NPL: variants seen among roughly 807,000 people sequenced by gnomAD.
NPL encodes N-acetylneuraminate lyase.
In NPL, 32 loss-of-function variants were observed where a neutral mutation model predicts 41.1. That is an observed-to-expected ratio of 0.78 (90% CI 0.59 to 1.05). NPL has a LOEUF of 1.05. Ranked by LOEUF, NPL falls within the 50% of genes least tolerant of loss-of-function variation. The probability of loss-of-function intolerance (pLI) is 0.00; values close to 1 mark genes in which losing one functional copy is unlikely to be tolerated. For synonymous variants in NPL, 128 were observed against 134.9 expected (o/e 0.95, Z 0.35); for missense variants, 321 against 378.4 (o/e 0.85, Z 1.26).
intron 5 of NPL, chr1:182,806,629 GT>G: frequency 7.4e-7 from 1 of 1,348,152 alleles, no homozygotes; most frequent in African/African-American, 1.4e-5. Context: ...CCTGATGCTT[GT>G]ATTGGCCCAC....
intron 5 of NPL, among the ~76,000 whole-genome samples, chr1:182,811,835 G>T (rs541311679): frequency 6.6e-6 from 1 of 152,272 alleles, no homozygotes; most frequent in East Asian, 1.9e-4. Flanking sequence ...CAGAAAGGAA[G>T]AAATGAATAC....
intron 11 of NPL, among the ~76,000 whole-genome samples, chr1:182,824,214 T>C (rs1304939530): frequency 6.6e-6 from 1 of 152,250 alleles, no homozygotes; most frequent in East Asian, 1.9e-4. Context: ...CATTTTATTA[T>C]GCAATTGAAT....
At position 182,818,845 on chromosome 1, in the gene NPL, T is replaced by G. The variant is rs1557951341; in HGVS notation, c.639T>G (p.Thr213=). The part of the protein sequence containing the change: ...QLLSALVMGA[T]GAVGSTYNYL... The stretch of plus-strand genomic sequence containing the variant: ...TGAGTGCTCTGGTGATGGGAGCAAC[T>G]GGAGCAGTGGGCAGGTAAGCATGAC... Residue 213 remains threonine (T), a synonymous_variant, in exon 10 of 13, where the codon ACT becomes ACG. Transcript: ENST00000367553. 6.2e-7 allele frequency: 1 copy of G among 1,614,112 alleles called. No homozygotes were observed. The highest frequency in any genetic ancestry group is 8.5e-7 in the Non-Finnish European group (1 of 1,179,954).
intron 12 of NPL, among the ~76,000 whole-genome samples, chr1:182,827,978 T>C (rs907575639): frequency 6.6e-6 from 1 of 152,228 alleles, no homozygotes; most frequent in Non-Finnish European, 1.5e-5. Context: ...ATAGTACCTA[T>C]ACTAAGTGTG....
chr1:182,790,135 C>G (rs768553397), intron 1 of NPL, among the ~76,000 whole-genome samples: 13 of 152,140 alleles, frequency 8.5e-5, no homozygotes, highest in Admixed American at 6.5e-4. Context: ...ATACATCCCC[C>G]CTTCACTTGA....
In NPL at chr1:182,828,729, G is replaced by A. The variant is rs750391327; in HGVS notation, c.784G>A (p.Gly262Arg). 2.4e-5 allele frequency: 39 copies of A among 1,614,046 alleles called. No individual in the cohort carries two copies. Among genetic ancestry groups the A allele is most frequent in the Middle Eastern group, 1.6e-4 (1 of 6,082 alleles). The part of the protein sequence containing the change: ...FINFVVKLGF[G>R]VSQTKAIMTL... ...CATTTGTTTTTCCCGTCTAGGTTTT[G>A]GAGTGTCACAGACCAAAGCCATCAT... Residue 262 changes from glycine to arginine, a missense_variant, in exon 13 of 13, where the codon GGA becomes AGA. Gly to Arg is a moderately radical substitution (Grantham distance 125, BLOSUM62 -2). Coordinates refer to ENST00000367553, the MANE Select transcript of NPL (RefSeq NM_030769.3). The surrounding 1 kb of genome is among the most constrained non-coding windows in gnomAD (Gnocchi z 4.0).
intron 4 of NPL, 111 bp downstream of exon 4, chr1:182,803,882 A>T (rs1666927675): frequency 2.4e-6 from 2 of 841,246 alleles, no homozygotes; most frequent in Non-Finnish European, 4.1e-6. Flanking sequence ...ACAGGTTATG[A>T]TGGAGCCTGG....
rs547420966 is a variant in NPL, at chr1:182,829,203, G to A, written c.*295G>A. 101 of 1,250,686 alleles carry A rather than the reference G, an allele frequency of 8.1e-5. No individual in the cohort carries two copies. The East Asian group carries it at 3.9e-3, about 48-fold the overall frequency. The allele number at this position is 1,250,686 out of a possible 1,614,324, so 77.5% of individuals were successfully genotyped here. A position where few individuals can be genotyped will look rare whatever the true frequency, so the allele number is the denominator to read the frequency against. Reference sequence around the variant, plus strand: ...AAATTGTAATTGATTAATTCCATCTGTCTTTAGGAGCTCTCATTATCTCGG... The same window carrying A: ...AAATTGTAATTGATTAATTCCATCTATCTTTAGGAGCTCTCATTATCTCGG... On this transcript the variant is annotated 3_prime_UTR_variant, in exon 13 of 13. Coordinates refer to ENST00000367553, the MANE Select transcript of NPL (RefSeq NM_030769.3).
At chr1:182,809,258 G>A in intron 5 of NPL, 1 of 450,872 alleles carries the variant, frequency 2.2e-6, no homozygotes, top group South Asian at 1.6e-5. Flanking sequence ...ACAGCTGAAG[G>A]CCTGGCACAG....
intron 7 of NPL, 43 bp downstream of exon 7, chr1:182,814,901 C>G (rs200065741): frequency 6.9e-7 from 1 of 1,441,978 alleles, no homozygotes; most frequent in African/African-American, 1.4e-5. Context: ...ACATGGTCCA[C>G]TTCTTCTTGC....
At chr1:182,807,134 G>A (rs890272332) in intron 5 of NPL, among the ~76,000 whole-genome samples, 2 of 152,096 alleles carry the variant, frequency 1.3e-5, no homozygotes, top group Non-Finnish European at 2.9e-5. Context: ...CACCACACCC[G>A]GCCAACTAAG....
At chr1:182,814,472 A>T (rs1557948801) in intron 6 of NPL, among the ~76,000 whole-genome samples, 1 of 152,250 alleles carries the variant, frequency 6.6e-6, no homozygotes, top group Admixed American at 6.5e-5. Context: ...CAGAAATTAC[A>T]TGAGCAGATA....
In NPL at chr1:182,825,777, CT is replaced by C. The variant is rs1395623392; in HGVS notation, c.739-3del. On this transcript the variant is annotated splice_region_variant and splice_polypyrimidine_tract_variant and intron_variant, in intron 11 of 12. Coordinates refer to ENST00000367553, the MANE Select transcript of NPL (RefSeq NM_030769.3). ...CTAACTATAGATATGTTGTTCTTTT[CT>C]AGTTTTGTATCCAGAGATTTATCAA... 8 of 1,557,662 alleles carry C rather than the reference CT, an allele frequency of 5.1e-6. No individual in the cohort carries two copies. Among genetic ancestry groups the C allele is most frequent in the Non-Finnish European group, 6.2e-6 (7 of 1,130,766 alleles).
rs770967602 is a variant in NPL, at chr1:182,803,770, TG to T, written c.142+1del. On this transcript the variant is annotated frameshift_variant and splice_region_variant, in exon 4 of 13. Coordinates refer to ENST00000367553, the MANE Select transcript of NPL (RefSeq NM_030769.3). LOFTEE classifies it high-confidence loss of function. Reference protein sequence around the residue: ...VKEQGVKNIFVNGTTGEGLSL... With the variant: ...VKEQGVKNIFXNGTTGEGLSL... ...AAGAACAGGGAGTGAAGAACATTTT[TG>T]GTAAGTCAACTCTGGGGATGTCGCT... 1 of 1,607,146 alleles carries T rather than the reference TG, an allele frequency of 6.2e-7. No homozygotes were observed. The highest frequency in any genetic ancestry group is 2.2e-5 in the East Asian group (1 of 44,842).
At chr1:182,796,975 C>T (rs748502453) in intron 3 of NPL, among the ~76,000 whole-genome samples, 14 of 145,708 alleles carry the variant, frequency 9.6e-5, no homozygotes, top group African/African-American at 3.1e-4. Context: ...GCAGAGGTTG[C>T]GGTGAGCCAA....
At chr1:182,801,598 G>A (rs1472484586) in intron 3 of NPL, among the ~76,000 whole-genome samples, 2 of 152,088 alleles carry the variant, frequency 1.3e-5, no homozygotes, top group Non-Finnish European at 1.5e-5. Flanking sequence ...ACTTGTAATC[G>A]CAACACTTTG....
intron 3 of NPL, among the ~76,000 whole-genome samples, chr1:182,796,423 G>A (rs967429118): frequency 1.3e-5 from 2 of 152,106 alleles, no homozygotes; most frequent in Non-Finnish European, 2.9e-5. Context: ...GAAGGAAGGG[G>A]CACATGGAAT....
At chr1:182,806,671 C>A in intron 5 of NPL, 1 of 968,376 alleles carries the variant, frequency 1.0e-6, no homozygotes, top group Non-Finnish European at 1.5e-6. Context: ...GCATCCAACT[C>A]AATGTGCTCT....
chr1:182,808,572 G>A (rs1416451986), intron 5 of NPL, among the ~76,000 whole-genome samples: 3 of 152,124 alleles, frequency 2.0e-5, no homozygotes, highest in Admixed American at 6.5e-5. Flanking sequence ...TTGAAAGAAG[G>A]GTAGTTTTGT....
Sources: gnomAD v4.1 joint callset for allele counts (sites outside exome capture counted in the v4.1 genomes callset) on GRCh38, gnomAD v4.1.1 for gene constraint, Gnocchi (gnomAD v3.1) non-coding constraint, MANE v1.5 for transcripts, NCBI Gene and HGNC (gene_info 2026-07-23, HGNC 2026-07-21) for gene names.